CYBB: variants seen among roughly 807,000 people sequenced by gnomAD.
CYBB encodes NADPH oxidase 2.
In CYBB, 5 loss-of-function variants were observed where a neutral mutation model predicts 46.5. The ratio of observed to expected loss-of-function variants is 0.11; its 90% CI spans 0.06 to 0.23. The LOEUF (loss-of-function observed/expected upper bound fraction) is 0.23, where lower values mean the gene tolerates loss of function less well. CYBB is among the 10% of genes least tolerant of loss of function. The probability of loss-of-function intolerance (pLI) is 1.00; values close to 1 mark genes in which losing one functional copy is unlikely to be tolerated. For missense variants in CYBB, 307 were observed against 428.3 expected, an observed-to-expected ratio of 0.72 and a Z score of 2.50; for synonymous variants, 183 against 156.7, an observed-to-expected ratio of 1.17 and a Z score of -1.26.
rs1929715689 is a variant in CYBB at position 37,813,380 on chromosome X, T to G, written c.*2463T>G. 1 of 111,318 alleles carries G rather than the reference T, an allele frequency of 9.0e-6. No individual in the cohort carries two copies. Among genetic ancestry groups the G allele is most frequent in the African/African-American group, 3.3e-5 (1 of 30,508 alleles). The allele number at this position is 111,318 out of a possible 1,213,427, so 9.2% of individuals were successfully genotyped here. A position where few individuals can be genotyped will look rare whatever the true frequency, so the allele number is the denominator to read the frequency against. On this transcript the variant is annotated 3_prime_UTR_variant, in exon 13 of 13. Coordinates refer to ENST00000378588, the MANE Select transcript of CYBB (RefSeq NM_000397.4). Reference sequence around the variant, plus strand: ...AATACTTGCAGGCTTTGTATGTGAATAATTCTAGCGGGGGACCTGGGAGAT... The same window carrying G: ...AATACTTGCAGGCTTTGTATGTGAAGAATTCTAGCGGGGGACCTGGGAGAT...
At chrX:37,806,576 C>G (rs1929564929) in intron 11 of CYBB, 43 bp downstream of exon 11, 1 of 1,154,598 alleles carries the variant, frequency 8.7e-7, no homozygotes, top group Admixed American at 2.2e-5. Context: ...CCATAGTGTA[C>G]AGGGCTTACG....
chrX:37,788,988 C>T (rs1488611730), intron 3 of CYBB, among the ~76,000 whole-genome samples: 1 of 111,434 alleles, frequency 9.0e-6, no homozygotes, highest in African/African-American at 3.3e-5. Flanking sequence ...CACCTGGAAA[C>T]TCTAAGTAAA....
chrX:37,781,625 G>A (rs1324340992), intron 1 of CYBB, among the ~76,000 whole-genome samples: 3 of 112,087 alleles, frequency 2.7e-5, no homozygotes, highest in East Asian at 2.8e-4. Flanking sequence ...TGGCATTTTA[G>A]CTGATGAGAA....
intron 12 of CYBB, among the ~76,000 whole-genome samples, chrX:37,810,344 C>T (rs1490680319): frequency 1.8e-5 from 2 of 111,981 alleles, no homozygotes; most frequent in African/African-American, 6.5e-5. Flanking sequence ...TTTTAAAAAG[C>T]TGACGCCAAG....
chrX:37,809,162 G>A (rs782758728), intron 11 of CYBB, among the ~76,000 whole-genome samples: 15 of 112,008 alleles, frequency 1.3e-4, no homozygotes, highest in Non-Finnish European at 2.4e-4. Context: ...TTCTCCCAAA[G>A]GAGTGGAAGT....
intron 4 of CYBB, among the ~76,000 whole-genome samples, 189 bp from the exon 5 acceptor site, chrX:37,793,476 G>T (rs1412985650): frequency 9.1e-6 from 1 of 110,306 alleles, no homozygotes; most frequent in Non-Finnish European, 1.9e-5. Context: ...CAACTAGAGA[G>T]GATCTTACCC....
chrX:37,812,108 T>TATC lies in CYBB; in HGVS notation c.*1204_*1206dup, dbSNP rs1312784307. On this transcript the variant is annotated 3_prime_UTR_variant, in exon 13 of 13. Coordinates refer to ENST00000378588, the MANE Select transcript of CYBB (RefSeq NM_000397.4). ...TGTGACTAATGGTTTATTTGTATTA[T>TATC]ATCATCATCATCATCCTAAAATTAA... 2 of 112,379 alleles carry TATC rather than the reference T, an allele frequency of 1.8e-5. No homozygotes were observed. Among genetic ancestry groups the TATC allele is most frequent in the African/African-American group, 3.2e-5 (1 of 30,836 alleles). 9.3% of individuals were successfully genotyped at this position (112,379 alleles called of 1,213,427 possible).
intron 8 of CYBB, among the ~76,000 whole-genome samples, chrX:37,803,198 A>C (rs1373844578): frequency 2.7e-5 from 3 of 111,174 alleles, no homozygotes; most frequent in South Asian, 3.7e-4. Flanking sequence ...GAATGTTGCT[A>C]CATAACTAGT....
chrX:37,783,072 C>A (rs1928987879), intron 2 of CYBB, among the ~76,000 whole-genome samples: 2 of 110,975 alleles, frequency 1.8e-5, no homozygotes, highest in South Asian at 7.4e-4. Context: ...ATGATATGCA[C>A]CTTAAGTGTT....
rs1929703041 is a variant in CYBB, at chrX:37,812,838, G to A, written c.*1921G>A. The A allele has an allele frequency of 3.6e-5, 4 of 111,911 alleles. No individual in the cohort carries two copies. The Admixed American group carries it at 3.8e-4, about 11-fold the overall frequency. The allele number at this position is 111,911 out of a possible 1,213,427, so 9.2% of individuals were successfully genotyped here. On this transcript the variant is annotated 3_prime_UTR_variant, in exon 13 of 13. Coordinates refer to ENST00000378588, the MANE Select transcript of CYBB (RefSeq NM_000397.4). ...TCCAGCCTGTTCACACTGCACCTCA[G>A]GTATCAATTCATCTATTCAACAGAT...
Position 37,789,473 on chromosome X carries a change from A to C in CYBB, c.253-2502A>C, listed in dbSNP as rs782193385. Among the ~76,000 whole-genome samples, 81 of 97,215 alleles carry C rather than the reference A, an allele frequency of 8.3e-4. 1 individual carries two copies. The highest frequency in any genetic ancestry group is 2.7e-3 in the African/African-American group (71 of 26,550). 84.4% of individuals were successfully genotyped at this position (97,215 alleles called of 115,157 possible). A position where few individuals can be genotyped will look rare whatever the true frequency, so the allele number is the denominator to read the frequency against. ...ATTTAAGAAGCCAAAGAAAGAAAGA[A>C]GGAAAGAAAGAAAGAAAGAAAGAGA... is the stretch of plus-strand genomic sequence containing the variant. On this transcript the variant is annotated intron_variant, in intron 3 of 12. Transcript: ENST00000378588.
intron 6 of CYBB, among the ~76,000 whole-genome samples, chrX:37,798,020 A>T (rs1556468894): frequency 8.9e-6 from 1 of 112,114 alleles, no homozygotes; most frequent in Non-Finnish European, 1.9e-5. Flanking sequence ...TGCTCAATAC[A>T]TGATAATTCT....
Position 37,801,343 on chromosome X carries a change from A to G in CYBB, c.892A>G (p.Thr298Ala), listed in dbSNP as rs1929434430. Reference protein sequence around the residue: ...FWRSQQKVVITKVVTHPFKTI... With the variant: ...FWRSQQKVVIAKVVTHPFKTI... Reference sequence around the variant, plus strand: ...GCGATCTCAACAGAAGGTGGTCATCACCAAGGTACTGATTGGTTTAGTAAT... The same window carrying G: ...GCGATCTCAACAGAAGGTGGTCATCGCCAAGGTACTGATTGGTTTAGTAAT... The change falls in exon 8 of 13, where the codon ACC becomes GCC. Residue 298 changes from threonine to alanine, a missense_variant. Physicochemically the swap from Thr to Ala is moderately conservative, Grantham distance 58. Around this residue, in one of 3 missense-constraint regions of CYBB, gnomAD observed 122 missense variants for 208.3 expected, o/e 0.59. Coordinates refer to ENST00000378588, the MANE Select transcript of CYBB (RefSeq NM_000397.4). The G allele has an allele frequency of 8.4e-7, 1 of 1,185,329 alleles. No homozygotes were observed. The highest frequency in any genetic ancestry group is 2.2e-5 in the Admixed American group (1 of 45,585).
chrX:37,798,927 A>G, intron 6 of CYBB, 28 bp from the exon 7 acceptor site: 2 of 1,188,290 alleles, frequency 1.7e-6, no homozygotes, highest in Non-Finnish European at 2.3e-6. Flanking sequence ...CTATTACTAA[A>G]TGATCTGGAC....
chrX:37,785,511 C>T (rs928363783), intron 3 of CYBB, among the ~76,000 whole-genome samples: 1 of 111,911 alleles, frequency 8.9e-6, no homozygotes, highest in Non-Finnish European at 1.9e-5. Flanking sequence ...TTTAATATAT[C>T]GTAAGTGCCC....
chrX:37,796,668 A>G (rs1387228395), intron 6 of CYBB, among the ~76,000 whole-genome samples: 1 of 112,223 alleles, frequency 8.9e-6, no homozygotes, highest in Non-Finnish European at 1.9e-5. Context: ...ACATTCTAAT[A>G]TAATGAAAGT....
At position 37,810,969 on chromosome X, in the gene CYBB, A is replaced by G. The variant is rs1695821185; in HGVS notation, c.*52A>G. ...GTGGGTTGTGCTGCCAAATGCTCAA[A>G]TAATGCTAATTGATAATATAAATAC... On this transcript the variant is annotated 3_prime_UTR_variant, in exon 13 of 13. Coordinates refer to ENST00000378588, the MANE Select transcript of CYBB (RefSeq NM_000397.4). 5 of 1,091,275 alleles carry G rather than the reference A, an allele frequency of 4.6e-6. No individual in the cohort carries two copies. Among genetic ancestry groups the G allele is most frequent in the Non-Finnish European group, 6.3e-6 (5 of 791,454 alleles). 89.9% of individuals were successfully genotyped at this position (1,091,275 alleles called of 1,213,427 possible). A position where few individuals can be genotyped will look rare whatever the true frequency, so the allele number is the denominator to read the frequency against.
chrX:37,810,716 G>A (rs1929654839), intron 12 of CYBB, 75 bp from the exon 13 acceptor site: 6 of 1,109,410 alleles, frequency 5.4e-6, no homozygotes, highest in Middle Eastern at 2.5e-4. Flanking sequence ...TCAAATTAAC[G>A]GGAAATTCAC....
In CYBB at chrX:37,801,303, G is replaced by C. The variant is rs1258465142; in HGVS notation, c.852G>C (p.Arg284Ser). ...VGPMFLYLCE[R>S]LVRFWRSQQK... is the part of the protein sequence containing the mutation. ...CCATGTTTCTGTATCTCTGTGAGAG[G>C]TTGGTGCGGTTTTGGCGATCTCAAC... is the stretch of plus-strand genomic sequence containing the variant. The change falls in exon 8 of 13, where the codon AGG (arginine) becomes AGC (serine). Residue 284 changes from arginine (R) to serine (S), a missense_variant. This residue lies in a region of CYBB where 82 missense variants were observed against 69.9 expected (regional missense o/e 1.17). Transcript: ENST00000378588. The C allele has an allele frequency of 8.3e-7, 1 of 1,209,168 alleles. No individual in the cohort carries two copies.
Sources: allele counts gnomAD v4.1 joint callset (sites outside exome capture counted in the v4.1 genomes callset), GRCh38; gene constraint gnomAD v4.1.1; regional missense constraint gnomAD v4.1.1; transcripts MANE v1.5; gene names NCBI Gene and HGNC (gene_info 2026-07-23, HGNC 2026-07-21).